The following PARD3B variants were observed in gnomAD, a reference collection of about 807,000 sequenced individuals.
The protein encoded by PARD3B is partitioning defective 3 homolog B.
A neutral mutation model predicts 130.2 loss-of-function variants in PARD3B; 103 were observed. That is an observed-to-expected ratio of 0.79 (90% CI 0.67 to 0.93). The LOEUF (loss-of-function observed/expected upper bound fraction) is 0.93, where lower values mean the gene tolerates loss of function less well. PARD3B is among the 40% of genes least tolerant of loss of function. PARD3B has a pLI of 0.00. For missense variants in PARD3B, 1,609 were observed against 1,499.2 expected (o/e 1.07, Z -1.21); for synonymous variants, 583 against 553.2 (o/e 1.05, Z -0.76).
At chr2:204,854,024 A>C (rs1164100389) in intron 2 of PARD3B, among the ~76,000 whole-genome samples, 3 of 152,172 alleles carry the variant, frequency 2.0e-5, no homozygotes, top group Non-Finnish European at 4.4e-5. Flanking sequence ...AAGAGCAAGG[A>C]GTAGGGCATT....
intron 2 of PARD3B, among the ~76,000 whole-genome samples, chr2:204,963,694 T>A (rs1690947441): frequency 1.3e-5 from 2 of 152,238 alleles, no homozygotes; most frequent in Non-Finnish European, 2.9e-5. Context: ...ATCGTTCTAC[T>A]GATTTTTTTA....
chr2:204,685,675 A>G (rs2037041044), intron 1 of PARD3B, among the ~76,000 whole-genome samples: 1 of 152,206 alleles, frequency 6.6e-6, no homozygotes, highest in Non-Finnish European at 1.5e-5. Flanking sequence ...GTGAGGCTGC[A>G]TGCTGAACAT....
intron 22 of PARD3B, among the ~76,000 whole-genome samples, chr2:205,561,811 C>G (rs1011516062): frequency 1.3e-5 from 2 of 152,208 alleles, no homozygotes; most frequent in Non-Finnish European, 2.9e-5. Flanking sequence ...ATATCTTCCA[C>G]ATCTGCATAT....
intron 2 of PARD3B, among the ~76,000 whole-genome samples, chr2:204,862,141 T>C (rs932907404): frequency 1.3e-5 from 2 of 152,152 alleles, no homozygotes; most frequent in African/African-American, 4.8e-5. Context: ...GGAATATGCC[T>C]TTTTAGTCTA....
Position 205,605,425 on chromosome 2 carries a change from G to A in PARD3B, c.3261-10031G>A, listed in dbSNP as rs534359362. ...GGGGTTTTTTGTTGGTAGTGGTGGTGGTGCTATTGTTGTTGCTTCCTTTTA... is the reference window on the plus strand; with the variant it reads ...GGGGTTTTTTGTTGGTAGTGGTGGTAGTGCTATTGTTGTTGCTTCCTTTTA... On this transcript the variant is annotated intron_variant, in intron 22 of 22. Transcript: ENST00000406610. Among the ~76,000 whole-genome samples, 75 of 152,180 alleles carry A rather than the reference G, an allele frequency of 4.9e-4. 1 individual carries two copies. The highest frequency in any genetic ancestry group is 1.8e-3 in the African/African-American group (73 of 41,538).
chr2:205,212,622 A>G (rs1387428087), intron 15 of PARD3B, among the ~76,000 whole-genome samples: 1 of 152,122 alleles, frequency 6.6e-6, no homozygotes, highest in Non-Finnish European at 1.5e-5. Flanking sequence ...GTAGGAATTA[A>G]CTGCAGAGCA....
At chr2:204,817,970 C>G (rs1228101820) in intron 2 of PARD3B, among the ~76,000 whole-genome samples, 1 of 152,066 alleles carries the variant, frequency 6.6e-6, no homozygotes, top group Non-Finnish European at 1.5e-5. Flanking sequence ...TTCCTCTAGG[C>G]CAGAAGGAAA....
At chr2:204,748,083 C>A (rs1222938544) in intron 2 of PARD3B, among the ~76,000 whole-genome samples, 1 of 151,944 alleles carries the variant, frequency 6.6e-6, no homozygotes, top group Non-Finnish European at 1.5e-5. Flanking sequence ...TTATTGAGTT[C>A]TTACTGATAA....
intron 4 of PARD3B, among the ~76,000 whole-genome samples, chr2:205,071,281 C>T (rs1476356734): frequency 6.6e-6 from 1 of 152,110 alleles, no homozygotes; most frequent in African/African-American, 2.4e-5. Flanking sequence ...CAAGATTTCC[C>T]AAGATCACTA....
chr2:205,588,138 T>C (rs2054263063), intron 22 of PARD3B, among the ~76,000 whole-genome samples: 1 of 152,232 alleles, frequency 6.6e-6, no homozygotes, highest in East Asian at 1.9e-4. Flanking sequence ...AAGACAGTTC[T>C]CTATTTTCAG....
Position 205,259,597 on chromosome 2 carries a change from A to T in PARD3B, c.2185+13775A>T, listed in dbSNP as rs749164660. On this transcript the variant is annotated intron_variant, in intron 16 of 22. Transcript: ENST00000406610. ...GTATGACTCCCATGGCTTTATATCAATGTTTTTTATCACTTCTGGGATATT... is the reference window on the plus strand; with the variant it reads ...GTATGACTCCCATGGCTTTATATCATTGTTTTTTATCACTTCTGGGATATT... 4.5e-4 allele frequency among the ~76,000 whole-genome samples: 69 copies of T among 152,074 alleles called. 2 individuals carry two copies. Among genetic ancestry groups the T allele is most frequent in the Non-Finnish European group, 6.5e-4 (44 of 68,000 alleles).
intron 2 of PARD3B, among the ~76,000 whole-genome samples, chr2:204,835,860 A>G (rs1382087047): frequency 6.6e-6 from 1 of 152,216 alleles, no homozygotes; most frequent in East Asian, 1.9e-4. Context: ...AAGTGTTCCA[A>G]GCATGTTTAG....
intron 2 of PARD3B, among the ~76,000 whole-genome samples, chr2:204,801,303 G>T (rs990004959): frequency 6.6e-6 from 1 of 152,122 alleles, no homozygotes; most frequent in Non-Finnish European, 1.5e-5. Context: ...ATTACTTTGG[G>T]CAGTATGGCC....
intron 2 of PARD3B, among the ~76,000 whole-genome samples, chr2:204,687,161 G>T (rs1319091619): frequency 6.6e-6 from 1 of 152,000 alleles, no homozygotes; most frequent in African/African-American, 2.4e-5. Flanking sequence ...AACTGGACTG[G>T]AATATAAATA....
intron 2 of PARD3B, among the ~76,000 whole-genome samples, chr2:204,833,433 A>G (rs944016140): frequency 6.6e-6 from 1 of 151,936 alleles, no homozygotes; most frequent in African/African-American, 2.4e-5. Context: ...TAACCCAGAC[A>G]TCTCTTGACT....
chr2:205,170,852 T>G (rs2035135992), intron 11 of PARD3B, among the ~76,000 whole-genome samples: 1 of 152,032 alleles, frequency 6.6e-6, no homozygotes, highest in Non-Finnish European at 1.5e-5. Flanking sequence ...TCCCAGATAC[T>G]TCTCACCACT....
chr2:205,254,820 T>G (rs1192946065), intron 16 of PARD3B, among the ~76,000 whole-genome samples: 1 of 151,010 alleles, frequency 6.6e-6, no homozygotes, highest in Non-Finnish European at 1.5e-5. Context: ...GCCCGCCACC[T>G]CGCCCGGCTA....
chr2:205,217,868 G>GTGTA (rs1257485560), intron 15 of PARD3B, among the ~76,000 whole-genome samples: 46 of 47,122 alleles, frequency 9.8e-4, no homozygotes, highest in Admixed American at 3.4e-3. Flanking sequence ...GTGTGTGTGT[G>GTGTA]TATATATATA....
intron 4 of PARD3B, among the ~76,000 whole-genome samples, chr2:205,063,985 G>T (rs553939820): frequency 6.6e-6 from 1 of 152,048 alleles, no homozygotes; most frequent in Non-Finnish European, 1.5e-5. Context: ...AATAAGACCA[G>T]TTTCTATAAA....
Sources: gnomAD v4.1 joint callset for allele counts (sites outside exome capture counted in the v4.1 genomes callset) on GRCh38, gnomAD v4.1.1 for gene constraint, MANE v1.5 for transcripts, NCBI Gene and HGNC (gene_info 2026-07-23, HGNC 2026-07-21) for gene names.